Variants in TBCD observed in about 807,000 individuals in gnomAD.
TBCD encodes tubulin-specific chaperone D.
Under a neutral mutation model 169.3 loss-of-function variants are expected in TBCD, and 105 were observed. The observed-to-expected ratio is 0.62, with a 90% CI of 0.53 to 0.73. The LOEUF is 0.73. Ranked by LOEUF, TBCD falls within the 30% of genes least tolerant of loss-of-function variation. The pLI is 0.00. For missense variants in TBCD, 1,444 were observed against 1,600.1 expected (o/e 0.90, Z 1.66); for synonymous variants, 700 against 643.9 (o/e 1.09, Z -1.32).
At chr17:82,894,951 T>C (rs2059381470) in intron 17 of TBCD, among the ~76,000 whole-genome samples, 1 of 152,230 alleles carries the variant, frequency 6.6e-6, no homozygotes, top group Non-Finnish European at 1.5e-5. Context: ...CACTCCAGCC[T>C]GGGTGACAGA....
intron 38 of TBCD, 69 bp downstream of exon 38, chr17:82,941,552 C>CA (rs1568115076): frequency 7.1e-7 from 1 of 1,410,156 alleles, no homozygotes; most frequent in Admixed American, 2.0e-5. Context: ...CTGGGGCCAG[C>CA]GGCTGTGCTT....
intron 24 of TBCD, chr17:82,921,295 A>G (rs1363580175): frequency 1.7e-6 from 1 of 576,980 alleles, no homozygotes; most frequent in African/African-American, 1.9e-5. Context: ...TCCCTCAATA[A>G]GAGCTTACAC....
chr17:82,759,070 A>G (rs780146393), intron 2 of TBCD, among the ~76,000 whole-genome samples: 1 of 152,122 alleles, frequency 6.6e-6, no homozygotes, highest in Non-Finnish European at 1.5e-5. Context: ...GCTGGAGTGT[A>G]GTGGCGCAGT....
At chr17:82,846,082 G>A (rs1002034665) in intron 13 of TBCD, among the ~76,000 whole-genome samples, 1 of 152,162 alleles carries the variant, frequency 6.6e-6, no homozygotes, top group Non-Finnish European at 1.5e-5. Context: ...TCGCCTGGCT[G>A]TGTTGTGTCT....
chr17:82,772,557 G>A (rs1254127042), intron 6 of TBCD, 50 bp downstream of exon 6: 6 of 1,600,398 alleles, frequency 3.7e-6, no homozygotes, highest in Non-Finnish European at 5.1e-6. Context: ...GGTTCTGAGA[G>A]GGGTTTGTTT....
At chr17:82,855,857 C>CATTATAAAAA in intron 13 of TBCD, among the ~76,000 whole-genome samples, 1 of 152,230 alleles carries the variant, frequency 6.6e-6, no homozygotes, top group Non-Finnish European at 1.5e-5. Context: ...TTTACTTATT[C>CATTATAAAAA]TGAGAATTTT....
rs532000591 is a variant in TBCD, at chr17:82,923,962, C to T, written c.2260+229C>T. Reference sequence around the variant, plus strand: ...CTGAACAGGTGGCTCAGCAGGGACGCGTCTCTGTTGACGGCACCCTCTTGC... The same window carrying T: ...CTGAACAGGTGGCTCAGCAGGGACGTGTCTCTGTTGACGGCACCCTCTTGC... On this transcript the variant is annotated intron_variant, in intron 26 of 38. Transcript: ENST00000355528. This position sits in a 1 kb window ranked among gnomAD's most constrained non-coding sequence, Gnocchi z 4.6. Among the ~76,000 whole-genome samples, 4 of 152,198 alleles carry T rather than the reference C, an allele frequency of 2.6e-5. No homozygotes were observed. Among genetic ancestry groups the T allele is most frequent in the Admixed American group, 2.0e-4 (3 of 15,282 alleles).
chr17:82,924,455 G>A (rs1217893823), intron 26 of TBCD, among the ~76,000 whole-genome samples: 7 of 152,232 alleles, frequency 4.6e-5, no homozygotes. Context: ...CGCACATCAT[G>A]TTCGAGGGAT....
rs1026411883 is a variant in TBCD, at chr17:82,884,687, G to T, written c.1533+485G>T. On this transcript the variant is annotated intron_variant, in intron 15 of 38. Coordinates refer to ENST00000355528, the MANE Select transcript of TBCD (RefSeq NM_005993.5). The surrounding 1 kb of genome is among the most constrained non-coding windows in gnomAD (Gnocchi z 4.2). Reference sequence around the variant, plus strand: ...GTGGGAGCTGCCTGCAGGACCGGGTGCGTCTTGAACACAGATGGCTGGTTT... The same window carrying T: ...GTGGGAGCTGCCTGCAGGACCGGGTTCGTCTTGAACACAGATGGCTGGTTT... The T allele has an allele frequency of 9.7e-6, 2 of 206,860 alleles. No individual in the cohort carries two copies. Among genetic ancestry groups the T allele is most frequent in the African/African-American group, 2.2e-5 (1 of 44,650 alleles). The allele number at this position is 206,860 out of a possible 1,614,324, so 12.8% of individuals were successfully genotyped here.
intron 11 of TBCD, among the ~76,000 whole-genome samples, chr17:82,809,474 A>C (rs590886): frequency 2.6e-5 from 4 of 152,130 alleles, no homozygotes; most frequent in Non-Finnish European, 4.4e-5. Context: ...ATGGTGACCT[A>C]CCCTGTGCCG....
intron 4 of TBCD, among the ~76,000 whole-genome samples, chr17:82,767,222 C>T (rs575661595): frequency 2.9e-4 from 44 of 152,104 alleles, no homozygotes; most frequent in African/African-American, 6.3e-4. Flanking sequence ...GAGGAGCACA[C>T]GGTTTATAAC....
intron 23 of TBCD, among the ~76,000 whole-genome samples, chr17:82,914,998 G>A (rs2060926706): frequency 6.6e-6 from 1 of 152,128 alleles, no homozygotes; most frequent in Admixed American, 6.5e-5. Flanking sequence ...TGTTTTCCTT[G>A]CTTCTGTATT....
intron 19 of TBCD, among the ~76,000 whole-genome samples, chr17:82,905,373 G>C (rs1226084239): frequency 2.0e-5 from 3 of 152,274 alleles, no homozygotes; most frequent in African/African-American, 7.2e-5. Context: ...GTTGCCCTTG[G>C]TGTCTCAGGG....
At chr17:82,768,284 G>A (rs2048126079) in intron 4 of TBCD, 136 bp from the exon 5 acceptor site, 2 of 1,044,998 alleles carry the variant, frequency 1.9e-6, no homozygotes. Context: ...TGCATTTCTG[G>A]CCCTGAGGGT....
chr17:82,849,797 C>A (rs376713623), intron 13 of TBCD, among the ~76,000 whole-genome samples: 3 of 152,278 alleles, frequency 2.0e-5, no homozygotes, highest in African/African-American at 7.2e-5. Flanking sequence ...AACCCCCTTC[C>A]CTGGTAGTCC....
At chr17:82,757,476 G>C (rs1409365906) in intron 2 of TBCD, among the ~76,000 whole-genome samples, 2 of 152,028 alleles carry the variant, frequency 1.3e-5, no homozygotes, top group Non-Finnish European at 2.9e-5. Flanking sequence ...CAAAACGTTA[G>C]CTGGGCATGC....
intron 6 of TBCD, among the ~76,000 whole-genome samples, chr17:82,779,225 C>T (rs931689585): frequency 3.3e-5 from 5 of 151,070 alleles, no homozygotes; most frequent in South Asian, 2.1e-4. Flanking sequence ...AGGCTGTTCT[C>T]GAACTTCTGA....
In TBCD at chr17:82,833,322, C is replaced by T. The variant is rs865859461; in HGVS notation, c.1318+18388C>T. On this transcript the variant is annotated intron_variant, in intron 13 of 38. Transcript: ENST00000355528. This position sits in a 1 kb window ranked among gnomAD's most constrained non-coding sequence, Gnocchi z 4.7. Reference sequence around the variant, plus strand: ...TGGATGCTGCTGCCTCCCCTGGGGCCGATCCCTAAGCACTCGTGGCAGTTT... The same window carrying T: ...TGGATGCTGCTGCCTCCCCTGGGGCTGATCCCTAAGCACTCGTGGCAGTTT... 2.0e-5 allele frequency among the ~76,000 whole-genome samples: 3 copies of T among 152,066 alleles called. No homozygotes were observed. Among genetic ancestry groups the T allele is most frequent in the Admixed American group, 6.5e-5 (1 of 15,270 alleles).
At chr17:82,809,524 C>T (rs954038243) in intron 11 of TBCD, among the ~76,000 whole-genome samples, 184 bp from the exon 12 acceptor site, 3 of 152,154 alleles carry the variant, frequency 2.0e-5, no homozygotes, top group Admixed American at 6.5e-5. Context: ...GCTGCAGGCT[C>T]CTTTACCCTG....
Sources: gnomAD v4.1 joint callset for allele counts (sites outside exome capture counted in the v4.1 genomes callset) on GRCh38, gnomAD v4.1.1 for gene constraint, Gnocchi (gnomAD v3.1) non-coding constraint, MANE v1.5 for transcripts, NCBI Gene and HGNC (gene_info 2026-07-23, HGNC 2026-07-21) for gene names.